Variants in VPS45 observed in about 807,000 individuals in gnomAD.
The protein encoded by VPS45 is vacuolar protein sorting-associated protein 45.
In VPS45, 35 loss-of-function variants were observed where a neutral mutation model predicts 75.9. That is an observed-to-expected ratio of 0.46 (90% CI 0.35 to 0.61). The LOEUF (loss-of-function observed/expected upper bound fraction) is 0.61, where lower values mean the gene tolerates loss of function less well. Among genes scored for constraint, VPS45 ranks in the 20% least tolerant of loss-of-function variants. VPS45 has a pLI of 0.00. For synonymous variants in VPS45, 220 were observed against 238.2 expected (o/e 0.92, Z 0.70); for missense variants, 559 against 685.9 (o/e 0.81, Z 2.07).
At chr1:150,115,839 T>G (rs1478434446) in intron 14 of VPS45, among the ~76,000 whole-genome samples, 1 of 152,210 alleles carries the variant, frequency 6.6e-6, no homozygotes, top group Non-Finnish European at 1.5e-5. Context: ...TACCGAGGCC[T>G]AAGCCTTCTT....
chr1:150,105,058 A>G (rs1043521147), intron 13 of VPS45, among the ~76,000 whole-genome samples: 6 of 151,918 alleles, frequency 3.9e-5, no homozygotes, highest in African/African-American at 1.5e-4. Flanking sequence ...TCCAACCAAC[A>G]GTATATGAGC....
rs72692897 is a variant in VPS45 at position 150,077,856 on chromosome 1, A to G, written c.687+77A>G. 0.15 allele frequency: 176,551 copies of G among 1,193,776 alleles called. 14,362 individuals are homozygous for G. The highest frequency in any genetic ancestry group is 0.19 in the African/African-American group (12,711 of 65,694). 73.9% of individuals were successfully genotyped at this position (1,193,776 alleles called of 1,614,324 possible). On this transcript the variant is annotated intron_variant, in intron 7 of 14. Coordinates refer to ENST00000644510, the MANE Select transcript of VPS45 (RefSeq NM_007259.5). ...TCAAAATACAGATAGGGAAGTAAAA[A>G]CATGGTCCATTTATTTGCCTCCTTA...
intron 14 of VPS45, among the ~76,000 whole-genome samples, chr1:150,111,814 G>A (rs1035050396): frequency 9.9e-5 from 15 of 152,046 alleles, no homozygotes; most frequent in South Asian, 2.1e-4. Context: ...CCACTGTTAC[G>A]TTTTAGTGTT....
At chr1:150,137,653 G>A (rs1227839144) in intron 14 of VPS45, among the ~76,000 whole-genome samples, 6 of 152,112 alleles carry the variant, frequency 3.9e-5, no homozygotes, top group Non-Finnish European at 5.9e-5. Context: ...AGTGGCTCAC[G>A]CCTGTAATCC....
At position 150,067,837 on chromosome 1, in the gene VPS45, G is replaced by A. The variant is rs1654809321; in HGVS notation, c.-21G>A. 1 of 1,612,888 alleles carries A rather than the reference G, an allele frequency of 6.2e-7. No homozygotes were observed. Among genetic ancestry groups the A allele is most frequent in the African/African-American group, 1.3e-5 (1 of 74,908 alleles). ...GAAAAGGGGGCGGGAAGGGCTGTAG[G>A]GTACTTGTCAATTCGCCGCCATGAA... On this transcript the variant is annotated 5_prime_UTR_variant, in exon 1 of 15. Coordinates refer to ENST00000644510, the MANE Select transcript of VPS45 (RefSeq NM_007259.5).
chr1:150,132,235 T>C (rs1331979386), intron 14 of VPS45, among the ~76,000 whole-genome samples: 1 of 152,224 alleles, frequency 6.6e-6, no homozygotes, highest in African/African-American at 2.4e-5. Flanking sequence ...GTTTGTAGGA[T>C]ATGCCTTTTT....
At chr1:150,101,934 T>G (rs1222409657) in intron 13 of VPS45, among the ~76,000 whole-genome samples, 1 of 151,850 alleles carries the variant, frequency 6.6e-6, no homozygotes, top group African/African-American at 2.4e-5. Flanking sequence ...ATATAACTCA[T>G]TCTACCATAA....
intron 14 of VPS45, among the ~76,000 whole-genome samples, chr1:150,133,273 G>A (rs1193156609): frequency 6.6e-6 from 1 of 152,184 alleles, no homozygotes; most frequent in Non-Finnish European, 1.5e-5. Flanking sequence ...ATGAAGGCCA[G>A]GCGTGGTGGC....
At chr1:150,143,668 A>T (rs1334810600) in intron 14 of VPS45, among the ~76,000 whole-genome samples, 1 of 152,164 alleles carries the variant, frequency 6.6e-6, no homozygotes, top group East Asian at 1.9e-4. Flanking sequence ...GAGGTAGGAA[A>T]GCTCATGACG....
chr1:150,087,408 C>CCAAATT (rs1656073985), intron 10 of VPS45, among the ~76,000 whole-genome samples: 1 of 152,146 alleles, frequency 6.6e-6, no homozygotes, highest in African/African-American at 2.4e-5. Flanking sequence ...AGTCACAAGG[C>CCAAATT]TGATGGAAAA....
Position 150,144,723 on chromosome 1 carries a change from T to C in VPS45, c.1640T>C (p.Val547Ala), listed in dbSNP as rs1278276866. 3 of 1,612,846 alleles carry C rather than the reference T, an allele frequency of 1.9e-6. No homozygotes were observed. The highest frequency in any genetic ancestry group is 2.5e-6 in the Non-Finnish European group (3 of 1,179,236). ...VHNTKSFLEEVLASGLHSRSK... is the reference protein window; with the variant it reads ...VHNTKSFLEEALASGLHSRSK... ...CTACTTATCAGTTTCCTAGAGGAAGTTCTGGCTTCTGGACTGCACAGCCGA... is the reference window on the plus strand; with the variant it reads ...CTACTTATCAGTTTCCTAGAGGAAGCTCTGGCTTCTGGACTGCACAGCCGA... Residue 547 changes from valine to alanine, a missense_variant, in exon 15 of 15, where the codon GTT becomes GCT. Coordinates refer to ENST00000644510, the MANE Select transcript of VPS45 (RefSeq NM_007259.5).
intron 14 of VPS45, among the ~76,000 whole-genome samples, chr1:150,134,065 G>T (rs4926408): frequency 0.26 from 39,760 of 152,076 alleles, 7,825 homozygotes; most frequent in African/African-American, 0.55. Flanking sequence ...CTACATTTTT[G>T]AATAGGCAAT....
chr1:150,082,602 A>T (rs1376030348), intron 9 of VPS45, 114 bp from the exon 10 acceptor site: 22 of 1,304,502 alleles, frequency 1.7e-5, no homozygotes, highest in Non-Finnish European at 2.1e-5. Flanking sequence ...AAAGTTGTAG[A>T]TGCTTTAATC....
rs2101609056 is a variant in VPS45 at position 150,110,586 on chromosome 1, G to A, written c.1584G>A (p.Val528=). Residue 528 remains valine (V), a synonymous_variant, in exon 14 of 15, where the codon GTG becomes GTA. Coordinates refer to ENST00000644510, the MANE Select transcript of VPS45 (RefSeq NM_007259.5). ...ACCTGAACCGCACCACTCCTGGAGT[G>A]AGGATTGTCCTGGGAGGCACCACAG... ...VYNLNRTTPG[V]RIVLGGTTVH... is the part of the protein sequence containing the mutation. The A allele has an allele frequency of 6.2e-7, 1 of 1,613,618 alleles. No individual in the cohort carries two copies.
At chr1:150,136,657 G>C (rs1264899755) in intron 14 of VPS45, among the ~76,000 whole-genome samples, 3 of 151,830 alleles carry the variant, frequency 2.0e-5, no homozygotes, top group Admixed American at 6.6e-5. Context: ...ACTAGGAAAT[G>C]CCTCACAGAG....
intron 14 of VPS45, among the ~76,000 whole-genome samples, chr1:150,135,341 C>G (rs1659017648): frequency 6.6e-6 from 1 of 152,116 alleles, no homozygotes; most frequent in South Asian, 2.1e-4. Context: ...CGGCTCACTA[C>G]AACCTCTGCC....
chr1:150,069,790 A>G (rs1654940582), intron 2 of VPS45, among the ~76,000 whole-genome samples: 1 of 151,664 alleles, frequency 6.6e-6, no homozygotes, highest in African/African-American at 2.4e-5. Flanking sequence ...ATGTTCTTCA[A>G]CTCTAATGCA....
chr1:150,123,190 A>T (rs1479927581), intron 14 of VPS45, among the ~76,000 whole-genome samples: 1 of 152,186 alleles, frequency 6.6e-6, no homozygotes, highest in African/African-American at 2.4e-5. Context: ...TGTAACATAC[A>T]TCAGTACTTT....
chr1:150,110,587 A>G lies in VPS45; in HGVS notation c.1585A>G (p.Arg529Gly). The change falls in exon 14 of 15, where the codon AGG (arginine) becomes GGG (glycine). Residue 529 changes from arginine (R) to glycine (G), a missense_variant. Transcript: ENST00000644510. ...YNLNRTTPGV[R>G]IVLGGTTVHN... is the part of the protein sequence containing the mutation. ...CCTGAACCGCACCACTCCTGGAGTG[A>G]GGATTGTCCTGGGAGGCACCACAGT... is the stretch of plus-strand genomic sequence containing the variant. The G allele has an allele frequency of 6.2e-7, 1 of 1,613,638 alleles. No homozygotes were observed. Among genetic ancestry groups the G allele is most frequent in the Non-Finnish European group, 8.5e-7 (1 of 1,179,686 alleles).
Sources: allele counts gnomAD v4.1 joint callset (sites outside exome capture counted in the v4.1 genomes callset), GRCh38; gene constraint gnomAD v4.1.1; transcripts MANE v1.5; gene names NCBI Gene and HGNC (gene_info 2026-07-23, HGNC 2026-07-21).